SEMA3D: variants seen among roughly 807,000 people sequenced by gnomAD.
SEMA3D encodes semaphorin-3D.
A neutral mutation model predicts 100.1 loss-of-function variants in SEMA3D; 84 were observed. The observed-to-expected ratio is 0.84, with a 90% confidence interval of 0.70 to 1.01. The LOEUF is 1.01. SEMA3D is among the 50% of genes least tolerant of loss of function. The pLI is 0.00. For missense variants in SEMA3D, 875 were observed against 934.1 expected (o/e 0.94, Z 0.82); for synonymous variants, 312 against 320.7 (o/e 0.97, Z 0.29).
intron 16 of SEMA3D, among the ~76,000 whole-genome samples, chr7:85,013,228 T>A (rs549147117): frequency 4.0e-4 from 60 of 151,834 alleles, no homozygotes; most frequent in African/African-American, 1.3e-3. Flanking sequence ...AATAATAATA[T>A]ATAAAAGCGT....
chr7:85,109,142 G>A (rs1472303625), intron 3 of SEMA3D, among the ~76,000 whole-genome samples: 1 of 151,690 alleles, frequency 6.6e-6, no homozygotes, highest in East Asian at 1.9e-4. Context: ...CCTCCATTTT[G>A]TGGTTTGTAA....
chr7:85,055,785 G>A lies in SEMA3D; in HGVS notation c.793C>T (p.Arg265Cys), dbSNP rs770642273. ...PDDDKIYFFF[R>C]ESSQEGSTSD... ...GTACTGCCTTCTTGAGATGATTCAC[G>A]AAAGAAGAAATATATTTTATCATCA... Residue 265 changes from arginine to cysteine, a missense_variant, in exon 9 of 19, where the codon CGT (arginine) becomes TGT (cysteine). Physicochemically the swap from Arg to Cys is radical, Grantham distance 180. Transcript: ENST00000284136. The A allele has an allele frequency of 8.9e-6, 14 of 1,572,032 alleles. No homozygotes were observed. The highest frequency in any genetic ancestry group is 1.0e-5 in the Non-Finnish European group (12 of 1,146,588).
chr7:85,124,957 T>C (rs1268325270), intron 2 of SEMA3D, among the ~76,000 whole-genome samples: 3 of 152,138 alleles, frequency 2.0e-5, no homozygotes, highest in African/African-American at 7.2e-5. Flanking sequence ...AATCGCATTA[T>C]CCTGTTCCTT....
intron 3 of SEMA3D, among the ~76,000 whole-genome samples, chr7:85,115,586 T>C (rs1320850915): frequency 1.3e-5 from 2 of 152,162 alleles, no homozygotes; most frequent in Non-Finnish European, 2.9e-5. Flanking sequence ...ATTCCTTGGA[T>C]TTTAATATTT....
rs10252131 is a variant in SEMA3D, at chr7:85,063,517, A to G, written c.718+1907T>C. On this transcript the variant is annotated intron_variant, in intron 8 of 18. Coordinates refer to ENST00000284136, the MANE Select transcript of SEMA3D (RefSeq NM_001384900.1). Reference sequence around the variant, plus strand: ...TTTAATTGCAAAGTTTTCCCAGCATACAAATCTCTTGAGCTCTGTCTCATG... The same window carrying G: ...TTTAATTGCAAAGTTTTCCCAGCATGCAAATCTCTTGAGCTCTGTCTCATG... Among the ~76,000 whole-genome samples the G allele has an allele frequency of 9.9e-3, 1,507 of 152,254 alleles. 22 individuals carry two copies. Among genetic ancestry groups the G allele is most frequent in the African/African-American group, 0.034 (1,421 of 41,544 alleles).
the SEMA3D span, among the ~76,000 whole-genome samples, chr7:85,220,625 G>T: frequency 6.6e-6 from 1 of 152,018 alleles, no homozygotes; most frequent in Admixed American, 6.6e-5. Context: ...GTAAAGTTAG[G>T]AAAGTAGTAA....
chr7:85,036,882 T>G lies in SEMA3D; in HGVS notation c.1191+7A>C. 6.2e-7 allele frequency: 1 copy of G among 1,603,820 alleles called. No individual in the cohort carries two copies. Among genetic ancestry groups the G allele is most frequent in the South Asian group, 1.1e-5 (1 of 88,930 alleles). The stretch of plus-strand genomic sequence containing the variant: ...AAAATAATTTGATTATTAAGTTGGA[T>G]ACATACTGTACCAGGCCGTGGATAA... On this transcript the variant is annotated splice_region_variant and intron_variant, in intron 12 of 18. Coordinates refer to ENST00000284136, the MANE Select transcript of SEMA3D (RefSeq NM_001384900.1).
At chr7:85,083,615 C>T (rs1017428866) in intron 4 of SEMA3D, among the ~76,000 whole-genome samples, 2 of 151,482 alleles carry the variant, frequency 1.3e-5, no homozygotes, top group Non-Finnish European at 2.9e-5. Context: ...GAGGCCGAGG[C>T]GGGCGGATCA....
the SEMA3D span, among the ~76,000 whole-genome samples, chr7:85,208,844 A>T: frequency 4.5e-4 from 68 of 152,200 alleles, no homozygotes; most frequent in African/African-American, 1.6e-3. Flanking sequence ...TAGAAAAGAA[A>T]ATACACGCAA....
chr7:85,081,664 G>T, intron 4 of SEMA3D, 85 bp from the exon 5 acceptor site: 1 of 865,294 alleles, frequency 1.2e-6, no homozygotes. Flanking sequence ...GTGAATGTGT[G>T]AAATTGAAGA....
the SEMA3D span, among the ~76,000 whole-genome samples, chr7:85,240,222 G>A: frequency 6.6e-6 from 1 of 151,970 alleles, no homozygotes; most frequent in Non-Finnish European, 1.5e-5. Flanking sequence ...TTAGATTTTT[G>A]TCAAGTGCAT....
chr7:85,147,081 C>CTTTTTT (rs1357778775), intron 2 of SEMA3D, among the ~76,000 whole-genome samples: 1 of 67,548 alleles, frequency 1.5e-5, no homozygotes, highest in African/African-American at 6.5e-5. Context: ...TCTTTCTTTT[C>CTTTTTT]TTTTTCTTTT....
intron 2 of SEMA3D, chr7:85,141,704 G>A (rs760130160): frequency 3.3e-6 from 3 of 919,996 alleles, no homozygotes; most frequent in African/African-American, 3.6e-5. Context: ...CTAAATTAAT[G>A]TTTATTTAGT....
intron 1 of SEMA3D, among the ~76,000 whole-genome samples, chr7:85,172,256 A>G (rs1157538613): frequency 1.3e-5 from 2 of 152,002 alleles, no homozygotes; most frequent in African/African-American, 4.8e-5. Flanking sequence ...CTTTCTGTAG[A>G]TAGGGTTTTG....
intron 1 of SEMA3D, among the ~76,000 whole-genome samples, chr7:85,186,451 G>C (rs543029526): frequency 1.3e-5 from 2 of 152,262 alleles, no homozygotes; most frequent in South Asian, 4.1e-4. Context: ...CTGCGCCCCA[G>C]GGGCCGCGCT....
intron 8 of SEMA3D, among the ~76,000 whole-genome samples, chr7:85,062,218 C>A (rs1791497318): frequency 6.6e-6 from 1 of 152,148 alleles, no homozygotes; most frequent in African/African-American, 2.4e-5. Context: ...AATAGTAATT[C>A]TCTCAGGTTT....
chr7:85,071,736 G>T (rs1016765534), intron 6 of SEMA3D, among the ~76,000 whole-genome samples: 1 of 152,166 alleles, frequency 6.6e-6, no homozygotes, highest in African/African-American at 2.4e-5. Context: ...ACAATGGTAA[G>T]CATTTGTGTA....
rs1451361960 is a variant in SEMA3D at position 85,161,006 on chromosome 7, AT to A, written c.-172-7268del. On this transcript the variant is annotated intron_variant, in intron 1 of 18. Transcript: ENST00000284136. ...CTACTTGCACGTATGGAGGAGGGGA[AT>A]GGATAACATCAGTCGGACAATGTAA... 4.6e-5 allele frequency among the ~76,000 whole-genome samples: 7 copies of A among 152,316 alleles called. No individual in the cohort carries two copies. In the East Asian group the frequency reaches 1.4e-3, roughly 29 times the overall value.
At chr7:85,034,543 G>A (rs1421820968) in intron 12 of SEMA3D, among the ~76,000 whole-genome samples, 2 of 152,064 alleles carry the variant, frequency 1.3e-5, no homozygotes, top group African/African-American at 2.4e-5. Flanking sequence ...GGAGGCAGAG[G>A]TTGCAGTGAG....
Sources: allele counts gnomAD v4.1 joint callset (sites outside exome capture counted in the v4.1 genomes callset), GRCh38; gene constraint gnomAD v4.1.1; transcripts MANE v1.5; gene names NCBI Gene and HGNC (gene_info 2026-07-23, HGNC 2026-07-21).